Variants in FADS1 observed in about 807,000 individuals in gnomAD.
FADS1 encodes fatty acid desaturase 1.
A neutral mutation model predicts 61.6 loss-of-function variants in FADS1; 17 were observed. The ratio of observed to expected loss-of-function variants is 0.28; its 90% confidence interval spans 0.19 to 0.41. The LOEUF (loss-of-function observed/expected upper bound fraction) is 0.41, where lower values mean the gene tolerates loss of function less well. FADS1 is among the 10% of genes least tolerant of loss of function. The pLI is 1.00. For missense variants in FADS1, 387 were observed against 650.9 expected (o/e 0.59, Z 4.41); for synonymous variants, 238 against 258.7 (o/e 0.92, Z 0.77).
chr11:61,800,537 T>C lies in FADS1; in HGVS notation c.*1874A>G, dbSNP rs2066849486. 1 of 152,406 alleles carries C rather than the reference T, an allele frequency of 6.6e-6. No homozygotes were observed. 9.4% of individuals were successfully genotyped at this position (152,406 alleles called of 1,614,324 possible). On this transcript the variant is annotated 3_prime_UTR_variant, in exon 12 of 12. Transcript: ENST00000350997. ...AACCTAACCTTCCATGTCTTTTTGT[T>C]GACAAACCTCTAACCTTCCATGTCT... is the stretch of plus-strand genomic sequence containing the variant.
At position 61,803,072 on chromosome 11, in the gene FADS1, C is replaced by A; in HGVS notation, c.1288G>T (p.Asp430Tyr). 6.2e-7 allele frequency: 1 copy of A among 1,614,144 alleles called. No homozygotes were observed. The highest frequency in any genetic ancestry group is 1.1e-5 in the South Asian group (1 of 91,044). Residue 430 changes from aspartate (D) to tyrosine (Y), a missense_variant, in exon 10 of 12, where the codon GAC (aspartate) becomes TAC (tyrosine). Physicochemically the swap from Asp to Tyr is radical, Grantham distance 160. Transcript: ENST00000350997. This position sits in a 1 kb window ranked among gnomAD's most constrained non-coding sequence, Gnocchi z 4.3. Reference protein sequence around the residue: ...TCNVHKSAFNDWFSGHLNFQI... With the variant: ...TCNVHKSAFNYWFSGHLNFQI... ...AAGTTGAGGTGTCCACTGAACCAGT[C>A]ATTGAAGGCAGACTTGTGGACATTG...
In FADS1 at chr11:61,815,988, C is replaced by T; in HGVS notation, c.375+567G>A. ...CCTTCCGCGTCCTCCAGTCTTCACA[C>T]GACGCAGGGGTCCCCAAGGCAGCGG... On this transcript the variant is annotated intron_variant, in intron 1 of 11. Transcript: ENST00000350997. This position sits in a 1 kb window ranked among gnomAD's most constrained non-coding sequence, Gnocchi z 6.4. The T allele has an allele frequency of 2.1e-6, 1 of 468,860 alleles. No individual in the cohort carries two copies. The highest frequency in any genetic ancestry group is 3.9e-6 in the Non-Finnish European group (1 of 259,662). The allele number at this position is 468,860 out of a possible 1,614,324, so 29.0% of individuals were successfully genotyped here.
Position 61,816,196 on chromosome 11 carries a change from G to T in FADS1, c.375+359C>A, listed in dbSNP as rs2066980725. The T allele has an allele frequency of 2.7e-6, 4 of 1,489,040 alleles. No homozygotes were observed. The East Asian group carries it at 6.8e-5, about 25-fold the overall frequency. The allele number at this position is 1,489,040 out of a possible 1,614,324, so 92.2% of individuals were successfully genotyped here. On this transcript the variant is annotated intron_variant, in intron 1 of 11. Transcript: ENST00000350997. The surrounding 1 kb of genome is among the most constrained non-coding windows in gnomAD (Gnocchi z 7.0). ...CCACTGACCCCCTCCCTCCCCAGGC[G>T]GCCTGCATCCTTGCTCTCCTCCCTC... is the stretch of plus-strand genomic sequence containing the variant.
In FADS1 at chr11:61,806,299, G is replaced by A. The variant is rs1291855612; in HGVS notation, c.976+365C>T. 3.3e-5 allele frequency: 6 copies of A among 179,846 alleles called. No individual in the cohort carries two copies. In the South Asian group the frequency reaches 3.9e-4, roughly 12 times the overall value. 11.1% of individuals were successfully genotyped at this position (179,846 alleles called of 1,614,324 possible). A position where few individuals can be genotyped will look rare whatever the true frequency, so the allele number is the denominator to read the frequency against. ...AGAGCTTGCAGTGAGCCGAGATTGC[G>A]CCACTGCAGTCCGCAGTCCGGCCTG... On this transcript the variant is annotated intron_variant, in intron 6 of 11. Coordinates refer to ENST00000350997, the MANE Select transcript of FADS1 (RefSeq NM_013402.7).
chr11:61,807,946 G>A (rs1196053221), intron 5 of FADS1, among the ~76,000 whole-genome samples: 3 of 152,156 alleles, frequency 2.0e-5, no homozygotes, highest in African/African-American at 4.8e-5. Flanking sequence ...ACTGTGTGCC[G>A]GGCTATGTTC....
chr11:61,816,135 C>A lies in FADS1; in HGVS notation c.375+420G>T. The A allele has an allele frequency of 1.2e-6, 1 of 858,934 alleles. No homozygotes were observed. Among genetic ancestry groups the A allele is most frequent in the Non-Finnish European group, 1.8e-6 (1 of 569,802 alleles). The allele number at this position is 858,934 out of a possible 1,614,324, so 53.2% of individuals were successfully genotyped here. ...TCCAGACGCGGCTGCGCTGCCTCTC[C>A]TAGCCATCGAGACAGGATGTGACTC... On this transcript the variant is annotated intron_variant, in intron 1 of 11. Transcript: ENST00000350997. The surrounding 1 kb of genome is among the most constrained non-coding windows in gnomAD (Gnocchi z 7.0).
intron 7 of FADS1, 122 bp downstream of exon 7, chr11:61,804,563 G>T: frequency 1.3e-6 from 1 of 743,172 alleles, no homozygotes; most frequent in Non-Finnish European, 2.3e-6. Flanking sequence ...TCTGTGTCTG[G>T]TTCTATTATT....
chr11:61,804,362 T>C, intron 7 of FADS1: 2 of 316,380 alleles, frequency 6.3e-6, no homozygotes, highest in Non-Finnish European at 1.2e-5. Context: ...AATAACCACA[T>C]TCTGCTTCAT....
chr11:61,803,766 T>C lies in FADS1; in HGVS notation c.1055A>G (p.Asp352Gly). The change falls in exon 8 of 12, where the codon GAC (aspartate) becomes GGC (glycine). Residue 352 changes from aspartate (D) to glycine (G), a missense_variant and splice_region_variant. This residue lies in a region of FADS1 where 257 missense variants were observed against 533.3 expected (regional missense o/e 0.48). Coordinates refer to ENST00000350997, the MANE Select transcript of FADS1 (RefSeq NM_013402.7). This position sits in a 1 kb window ranked among gnomAD's most constrained non-coding sequence, Gnocchi z 4.3. ...GTAGAAGGTAATCATCCAGGCCAAG[T>C]CCTATAGTGAGAAAAGCAGCGAGCA... The part of the protein sequence containing the change: ...YFVIQRKKWV[D>G]LAWMITFYVR... 6.2e-7 allele frequency: 1 copy of C among 1,611,834 alleles called. No individual in the cohort carries two copies. The highest frequency in any genetic ancestry group is 8.5e-7 in the Non-Finnish European group (1 of 1,177,948).
intron 6 of FADS1, 51 bp from the exon 7 acceptor site, chr11:61,804,812 A>T: frequency 6.7e-7 from 1 of 1,494,228 alleles, no homozygotes; most frequent in Non-Finnish European, 9.3e-7. Context: ...GAAGGTCATG[A>T]AAGGGCCAGT....
In FADS1 at chr11:61,815,306, AC is replaced by A. The variant is rs1156410400; in HGVS notation, c.375+1248del. 1 of 162,094 alleles carries A rather than the reference AC, an allele frequency of 6.2e-6. No homozygotes were observed. Among genetic ancestry groups the A allele is most frequent in the Non-Finnish European group, 1.5e-5 (1 of 68,234 alleles). 10.0% of individuals were successfully genotyped at this position (162,094 alleles called of 1,614,324 possible). On this transcript the variant is annotated intron_variant, in intron 1 of 11. Coordinates refer to ENST00000350997, the MANE Select transcript of FADS1 (RefSeq NM_013402.7). This position sits in a 1 kb window ranked among gnomAD's most constrained non-coding sequence, Gnocchi z 6.4. ...GTTTCGTCTGCGCATGCGCCGGGAC[AC>A]GCCTGCGCCCTTGGCCGCAGTCAGG...
rs188885524 is a variant in FADS1, at chr11:61,806,319, G to A, written c.976+345C>T. The A allele has an allele frequency of 2.7e-3, 576 of 215,036 alleles. 5 individuals are homozygous for A. The highest frequency in any genetic ancestry group is 4.1e-3 in the Non-Finnish European group (431 of 105,238). 13.3% of individuals were successfully genotyped at this position (215,036 alleles called of 1,614,324 possible). On this transcript the variant is annotated intron_variant, in intron 6 of 11. Transcript: ENST00000350997. Reference sequence around the variant, plus strand: ...ATTGCGCCACTGCAGTCCGCAGTCCGGCCTGGGCGACAGAGCAAGACTCCG... The same window carrying A: ...ATTGCGCCACTGCAGTCCGCAGTCCAGCCTGGGCGACAGAGCAAGACTCCG...
At position 61,806,464 on chromosome 11, in the gene FADS1, A is replaced by G. The variant is rs142828901; in HGVS notation, c.976+200T>C. ...GATGGGAAGAACTAGTTTGCCTTCA[A>G]CCAATCATCAGCCTAACTTCACTTC... On this transcript the variant is annotated intron_variant, in intron 6 of 11. Transcript: ENST00000350997. 1,314 of 593,176 alleles carry G rather than the reference A, an allele frequency of 2.2e-3. 10 individuals are homozygous for G. Among genetic ancestry groups the G allele is most frequent in the African/African-American group, 0.021 (1,154 of 53,994 alleles). The allele number at this position is 593,176 out of a possible 1,614,324, so 36.7% of individuals were successfully genotyped here. A position where few individuals can be genotyped will look rare whatever the true frequency, so the allele number is the denominator to read the frequency against.
Position 61,816,237 on chromosome 11 carries a change from C to T in FADS1, c.375+318G>A. 1.3e-6 allele frequency: 2 copies of T among 1,595,158 alleles called. No individual in the cohort carries two copies. The highest frequency in any genetic ancestry group is 4.5e-5 in the East Asian group (2 of 44,866). On this transcript the variant is annotated intron_variant, in intron 1 of 11. Transcript: ENST00000350997. This position sits in a 1 kb window ranked among gnomAD's most constrained non-coding sequence, Gnocchi z 7.0. The stretch of plus-strand genomic sequence containing the variant: ...CTCCTCCCTCCTAGCCTACCCAGCT[C>T]GGGGTTCTGTCCCCGCCCAGAGACC...
intron 2 of FADS1, 49 bp from the exon 3 acceptor site, chr11:61,812,717 G>T: frequency 6.5e-7 from 1 of 1,542,232 alleles, no homozygotes; most frequent in Non-Finnish European, 8.9e-7. Flanking sequence ...GCACCCCAAT[G>T]CTACTGGAGA....
rs2066990047 is a variant in FADS1, at chr11:61,816,844, T to C, written c.86A>G (p.Gln29Arg). The change falls in exon 1 of 12, where the codon CAG becomes CGG. Residue 29 changes from glutamine to arginine, a missense_variant. Physicochemically the swap from Gln to Arg is conservative, Grantham distance 43 (BLOSUM62 1). Transcript: ENST00000350997. This position sits in a 1 kb window ranked among gnomAD's most constrained non-coding sequence, Gnocchi z 7.0. Reference protein sequence around the residue: ...ARRRLALGARQQIHSWSPRTP... With the variant: ...ARRRLALGARRQIHSWSPRTP... ...CCGCGGGCTCCAGGAGTGGATTTGC[T>C]GGCGCGCGCCCAGAGCCAGCCGCCT... 2 of 1,487,628 alleles carry C rather than the reference T, an allele frequency of 1.3e-6. No individual in the cohort carries two copies. Among genetic ancestry groups the C allele is most frequent in the Admixed American group, 2.3e-5 (1 of 42,566 alleles). The allele number at this position is 1,487,628 out of a possible 1,614,324, so 92.2% of individuals were successfully genotyped here. A position where few individuals can be genotyped will look rare whatever the true frequency, so the allele number is the denominator to read the frequency against.
rs1406685639 is a variant in FADS1 at position 61,801,044 on chromosome 11, T to C, written c.*1367A>G. The C allele has an allele frequency of 6.6e-6, 1 of 152,384 alleles. No individual in the cohort carries two copies. The highest frequency in any genetic ancestry group is 2.4e-5 in the African/African-American group (1 of 41,464). The allele number at this position is 152,384 out of a possible 1,614,324, so 9.4% of individuals were successfully genotyped here. A position where few individuals can be genotyped will look rare whatever the true frequency, so the allele number is the denominator to read the frequency against. On this transcript the variant is annotated 3_prime_UTR_variant, in exon 12 of 12. Transcript: ENST00000350997. ...AGAGTAAGATACCTAGCTACAGCAA[T>C]AGAAATCACAAACTGTTCTGTGGTT... is the stretch of plus-strand genomic sequence containing the variant.
intron 3 of FADS1, among the ~76,000 whole-genome samples, chr11:61,811,659 G>A (rs1028294785): frequency 6.8e-6 from 1 of 147,494 alleles, no homozygotes; most frequent in East Asian, 2.0e-4. Flanking sequence ...GTGCCAACTC[G>A]GCTCACTGCA....
chr11:61,804,655 A>T, intron 7 of FADS1, 30 bp downstream of exon 7: 1 of 1,594,210 alleles, frequency 6.3e-7, no homozygotes, highest in Non-Finnish European at 8.6e-7. Flanking sequence ...GGAGACAAGG[A>T]TGTGGGCTTC....
Sources: gnomAD v4.1 joint callset for allele counts (sites outside exome capture counted in the v4.1 genomes callset) on GRCh38, gnomAD v4.1.1 for gene constraint, gnomAD v4.1.1 regional missense constraint, Gnocchi (gnomAD v3.1) non-coding constraint, MANE v1.5 for transcripts, NCBI Gene and HGNC (gene_info 2026-07-23, HGNC 2026-07-21) for gene names.